Variants in AGBL4 observed in about 807,000 individuals in gnomAD.
AGBL4 encodes the protein cytosolic carboxypeptidase 6.
AGBL4 carries 58 observed loss-of-function variants against 66.4 expected under a neutral mutation model. The ratio of observed to expected loss-of-function variants is 0.87; its 90% CI spans 0.71 to 1.09. The LOEUF is 1.09. Ranked by LOEUF, AGBL4 falls within the 50% of genes least tolerant of loss-of-function variation. The pLI, the probability that AGBL4 is intolerant of heterozygous loss-of-function variation, is 0.00. For synonymous variants in AGBL4, 234 were observed against 222.9 expected (o/e 1.05, Z -0.44); for missense variants, 579 against 631.0 (o/e 0.92, Z 0.88).
chr1:48,855,556 C>T (rs1478567622), intron 6 of AGBL4, among the ~76,000 whole-genome samples: 9 of 152,162 alleles, frequency 5.9e-5, no homozygotes, highest in African/African-American at 1.2e-4. Flanking sequence ...ACAATCTTTC[C>T]GGAAAATGAG....
intron 6 of AGBL4, among the ~76,000 whole-genome samples, chr1:48,749,865 C>T (rs1651392988): frequency 6.6e-6 from 1 of 152,202 alleles, no homozygotes; most frequent in Non-Finnish European, 1.5e-5. Flanking sequence ...ATTGAAGGCC[C>T]ACACATGTAT....
chr1:48,652,450 C>G lies in AGBL4; in HGVS notation c.839+887G>C, dbSNP rs58218903. On this transcript the variant is annotated intron_variant, in intron 8 of 13. Coordinates refer to ENST00000371839, the MANE Select transcript of AGBL4 (RefSeq NM_032785.4). ...GTCTGGGGAACTGGGCTTTCCTCAA[C>G]GCAGCTGCAGCACCTGTTCTAGGAG... Among the ~76,000 whole-genome samples, 1,496 of 152,220 alleles carry G rather than the reference C, an allele frequency of 9.8e-3. 28 individuals carry two copies. The highest frequency in any genetic ancestry group is 0.034 in the African/African-American group (1,412 of 41,534).
intron 4 of AGBL4, among the ~76,000 whole-genome samples, chr1:49,099,972 G>A (rs1645171603): frequency 6.6e-6 from 1 of 152,066 alleles, no homozygotes; most frequent in Non-Finnish European, 1.5e-5. Context: ...CTAGGGTGTG[G>A]GCAGGAACAG....
intron 11 of AGBL4, among the ~76,000 whole-genome samples, chr1:48,575,823 C>T (rs1644644686): frequency 6.6e-6 from 1 of 152,228 alleles, no homozygotes; most frequent in Non-Finnish European, 1.5e-5. Context: ...CTGCCCATCT[C>T]CTCCACCACC....
At chr1:48,691,145 G>A (rs1417573473) in intron 6 of AGBL4, among the ~76,000 whole-genome samples, 7 of 125,138 alleles carry the variant, frequency 5.6e-5, no homozygotes, top group Non-Finnish European at 8.0e-5. Context: ...GCGACAGAGT[G>A]AGACTCCCTC....
chr1:49,022,159 C>T (rs980497135), intron 5 of AGBL4, among the ~76,000 whole-genome samples: 1 of 152,082 alleles, frequency 6.6e-6, no homozygotes, highest in Non-Finnish European at 1.5e-5. Flanking sequence ...TACTGGAAAC[C>T]TCTATTTAAT....
At chr1:49,584,976 C>T (rs896369606) in intron 3 of AGBL4, among the ~76,000 whole-genome samples, 3 of 152,170 alleles carry the variant, frequency 2.0e-5, no homozygotes, top group Non-Finnish European at 2.9e-5. Flanking sequence ...CCCTCTCCAT[C>T]GTAGTTATTA....
At chr1:49,573,090 T>C (rs1349497551) in intron 3 of AGBL4, among the ~76,000 whole-genome samples, 1 of 151,892 alleles carries the variant, frequency 6.6e-6, no homozygotes, top group Non-Finnish European at 1.5e-5. Context: ...TGTGATGGTG[T>C]AAGTTAATAT....
chr1:48,576,523 C>A (rs989586947), intron 11 of AGBL4, among the ~76,000 whole-genome samples: 2 of 152,270 alleles, frequency 1.3e-5, no homozygotes, highest in Admixed American at 1.3e-4. Flanking sequence ...GGTAGGGTGA[C>A]CAACCATCTT....
chr1:49,085,539 T>A (rs1204818926), intron 4 of AGBL4, among the ~76,000 whole-genome samples: 1 of 151,854 alleles, frequency 6.6e-6, no homozygotes, highest in Non-Finnish European at 1.5e-5. Flanking sequence ...AAGCAGCTCA[T>A]GTGTGCTGTT....
intron 3 of AGBL4, among the ~76,000 whole-genome samples, chr1:49,318,139 A>C (rs1437606566): frequency 1.3e-5 from 2 of 151,960 alleles, no homozygotes; most frequent in East Asian, 3.9e-4. Flanking sequence ...CCAAATCTTG[A>C]CTTTTTATTT....
chr1:49,687,674 C>T (rs958248757), intron 3 of AGBL4, among the ~76,000 whole-genome samples: 5 of 151,816 alleles, frequency 3.3e-5, no homozygotes, highest in Non-Finnish European at 5.9e-5. Flanking sequence ...ACTCAGGAGG[C>T]TGATGCAGGA....
chr1:49,447,186 A>T (rs184871704), intron 3 of AGBL4, among the ~76,000 whole-genome samples: 1 of 152,320 alleles, frequency 6.6e-6, no homozygotes, highest in East Asian at 1.9e-4. Flanking sequence ...TCTCTGCTTA[A>T]AAAACCAAGT....
rs1249854842 is a variant in AGBL4 at position 48,784,420 on chromosome 1, CA to C, written c.634+82770del. Among the ~76,000 whole-genome samples, 17 of 152,236 alleles carry C rather than the reference CA, an allele frequency of 1.1e-4. No homozygotes were observed. The East Asian group carries it at 3.1e-3, about 28-fold the overall frequency. On this transcript the variant is annotated intron_variant, in intron 6 of 13. Transcript: ENST00000371839. ...GATTCCCGCCAAATGCTGTCCCCTT[CA>C]ATAAAACTCTGTGGTCATGGGTCAC...
chr1:48,535,879 T>C (rs1643963071), intron 12 of AGBL4, among the ~76,000 whole-genome samples: 1 of 152,084 alleles, frequency 6.6e-6, no homozygotes, highest in South Asian at 2.1e-4. Context: ...TGGGGGCTTC[T>C]TCAGTTCTAC....
rs376232765 is a variant in AGBL4, at chr1:48,587,142, C to A, written c.1129G>T (p.Ala377Ser). The change falls in exon 11 of 14, where the codon GCT becomes TCT. Residue 377 changes from alanine to serine, a missense_variant. Physicochemically the swap from Ala to Ser is moderately conservative, Grantham distance 99. Transcript: ENST00000371839. Reference sequence around the variant, plus strand: ...CGACGGCCAGTTCCTGCTTTCACAGCGTCCCGGTTAAAGGATGTGCTGGAC... The same window carrying A: ...CGACGGCCAGTTCCTGCTTTCACAGAGTCCCGGTTAAAGGATGTGCTGGAC... ...SYSSTSFNRD[A>S]VKAGTGRRFL... 1 of 1,557,052 alleles carries A rather than the reference C, an allele frequency of 6.4e-7. No homozygotes were observed. The highest frequency in any genetic ancestry group is 1.9e-5 in the Admixed American group (1 of 51,290).
At chr1:49,091,659 C>T (rs556952504) in intron 4 of AGBL4, among the ~76,000 whole-genome samples, 1 of 152,188 alleles carries the variant, frequency 6.6e-6, no homozygotes, top group South Asian at 2.1e-4. Context: ...TTTAATTCAA[C>T]CCAGAAATCC....
chr1:49,439,218 G>A (rs944073963), intron 3 of AGBL4, among the ~76,000 whole-genome samples: 2 of 151,962 alleles, frequency 1.3e-5, no homozygotes, highest in East Asian at 3.9e-4. Context: ...GAAAGGCCAA[G>A]TGAATGGCAA....
chr1:49,912,825 C>T (rs1233025680), intron 1 of AGBL4, among the ~76,000 whole-genome samples: 3 of 152,100 alleles, frequency 2.0e-5, no homozygotes, highest in East Asian at 1.9e-4. Context: ...AATTCCACAA[C>T]AAAAGGCAGA....
Sources: allele counts gnomAD v4.1 joint callset (sites outside exome capture counted in the v4.1 genomes callset), GRCh38; gene constraint gnomAD v4.1.1; transcripts MANE v1.5; gene names NCBI Gene and HGNC (gene_info 2026-07-23, HGNC 2026-07-21).